Variants in MEF2D observed in about 807,000 individuals in gnomAD.
The protein encoded by MEF2D is myocyte enhancer factor 2D, also known as myocyte-specific enhancer factor 2D.
Under a neutral mutation model 59.3 loss-of-function variants are expected in MEF2D, and 10 were observed. The ratio of observed to expected loss-of-function variants is 0.17; its 90% CI spans 0.10 to 0.29. MEF2D has a LOEUF of 0.29. MEF2D is among the 10% of genes least tolerant of loss of function. MEF2D has a pLI of 1.00. For missense variants in MEF2D, 508 were observed against 699.4 expected (o/e 0.73, Z 3.09); for synonymous variants, 305 against 295.0 (o/e 1.03, Z -0.35).
chr1:156,492,217 T>G (rs1672847814), intron 1 of MEF2D, among the ~76,000 whole-genome samples: 1 of 152,200 alleles, frequency 6.6e-6, no homozygotes, highest in African/African-American at 2.4e-5. Flanking sequence ...GTCCTTTACT[T>G]CCATTTCTAG....
At chr1:156,482,844 G>A (rs1672108799) in intron 2 of MEF2D, among the ~76,000 whole-genome samples, 1 of 152,210 alleles carries the variant, frequency 6.6e-6, no homozygotes, top group Non-Finnish European at 1.5e-5. Context: ...ATACAGCCCA[G>A]AGCCCACTCA....
chr1:156,488,634 T>C (rs933850851), intron 1 of MEF2D, among the ~76,000 whole-genome samples: 1 of 152,170 alleles, frequency 6.6e-6, no homozygotes, highest in African/African-American at 2.4e-5. Context: ...GAGGACTGGT[T>C]TGGAGGGGGC....
At chr1:156,480,634 AC>A (rs1311025563) in intron 4 of MEF2D, 199 bp downstream of exon 4, 12 of 1,545,240 alleles carry the variant, frequency 7.8e-6, no homozygotes, top group Non-Finnish European at 1.0e-5. Context: ...GCTCCATGCG[AC>A]TACTCACGGC....
chr1:156,493,783 G>C (rs968726100), intron 1 of MEF2D, among the ~76,000 whole-genome samples: 2 of 152,098 alleles, frequency 1.3e-5, no homozygotes. Flanking sequence ...AGTCCTGCCT[G>C]TTGTCTACTC....
chr1:156,465,910 G>A lies in MEF2D; in HGVS notation c.*1735C>T, dbSNP rs143112998. ...TGTCTTAACTCTACTCTCCAACTGGGAGGAAACCCCAAGGGGGCGCCGCAC... is the reference window on the plus strand; with the variant it reads ...TGTCTTAACTCTACTCTCCAACTGGAAGGAAACCCCAAGGGGGCGCCGCAC... On this transcript the variant is annotated 3_prime_UTR_variant, in exon 12 of 12. Coordinates refer to ENST00000348159, the MANE Select transcript of MEF2D (RefSeq NM_005920.4). 1.3e-5 allele frequency: 2 copies of A among 152,326 alleles called. No individual in the cohort carries two copies. The highest frequency in any genetic ancestry group is 4.8e-5 in the African/African-American group (2 of 41,556). 9.4% of individuals were successfully genotyped at this position (152,326 alleles called of 1,614,324 possible). A position where few individuals can be genotyped will look rare whatever the true frequency, so the allele number is the denominator to read the frequency against.
At chr1:156,500,048 G>C in intron 1 of MEF2D, among the ~76,000 whole-genome samples, 1 of 152,220 alleles carries the variant, frequency 6.6e-6, no homozygotes, top group South Asian at 2.1e-4. Context: ...CCAAGGAGGA[G>C]GGAACAGGCG....
intron 9 of MEF2D, among the ~76,000 whole-genome samples, chr1:156,472,503 C>A (rs1401325251): frequency 1.3e-5 from 2 of 152,226 alleles, no homozygotes; most frequent in Non-Finnish European, 2.9e-5. Flanking sequence ...TCTTAACCTG[C>A]CACGAGGGGC....
chr1:156,486,910 A>AG (rs776215109), intron 1 of MEF2D, among the ~76,000 whole-genome samples: 11 of 152,218 alleles, frequency 7.2e-5, no homozygotes, highest in Non-Finnish European at 1.3e-4. Context: ...GTCTTGCTGC[A>AG]GTACCAGTTC....
At position 156,479,665 on chromosome 1, in the gene MEF2D, C is replaced by G. The variant is rs747452485; in HGVS notation, c.528G>C (p.Pro176=). The G allele has an allele frequency of 1.3e-6, 2 of 1,551,972 alleles. No individual in the cohort carries two copies. Among genetic ancestry groups the G allele is most frequent in the Non-Finnish European group, 1.7e-6 (2 of 1,147,200 alleles). The change falls in exon 5 of 12, where the codon CCG becomes CCC. Residue 176 remains proline, a synonymous_variant. Transcript: ENST00000348159. The stretch of plus-strand genomic sequence containing the variant: ...CTGGCTGCTGGGGGGACAGGAGCCG[C>G]GGGTCCGTGAGGGATGATGTCACCA... ...PSLVTSSLTD[P]RLLSPQQPAL...
chr1:156,500,421 A>G (rs887000434), intron 1 of MEF2D, 65 bp downstream of exon 1: 1 of 151,918 alleles, frequency 6.6e-6, no homozygotes, highest in African/African-American at 2.4e-5. Context: ...CTCCACCCCA[A>G]CCCCTGGACC....
In MEF2D at chr1:156,497,062, C is replaced by A. The variant is rs140655995; in HGVS notation, c.-139+3424G>T. On this transcript the variant is annotated intron_variant, in intron 1 of 11. Transcript: ENST00000348159. ...TATGCAAAATTAGAGCCATCTCTCT[C>A]CCCCCCAGCTTCCCCACTGGGAAGT... 4.2e-3 allele frequency among the ~76,000 whole-genome samples: 641 copies of A among 152,266 alleles called. 5 individuals are homozygous for A. The highest frequency in any genetic ancestry group is 0.015 in the African/African-American group (618 of 41,544).
chr1:156,468,480 A>G lies in MEF2D; in HGVS notation c.1248-181T>C, dbSNP rs952867925. Among the ~76,000 whole-genome samples the G allele has an allele frequency of 2.0e-5, 3 of 152,060 alleles. No individual in the cohort carries two copies. The highest frequency in any genetic ancestry group is 7.3e-5 in the African/African-American group (3 of 41,376). ...ATCAGAAGAGGGTCGAATGAAGGGA[A>G]GAGAAGGGAAATAAGAAATATTAGT... On this transcript the variant is annotated intron_variant, in intron 10 of 11. Transcript: ENST00000348159. The surrounding 1 kb of genome is among the most constrained non-coding windows in gnomAD (Gnocchi z 4.3).
intron 2 of MEF2D, among the ~76,000 whole-genome samples, 155 bp downstream of exon 2, chr1:156,483,084 G>T (rs775523096): frequency 6.6e-6 from 1 of 152,162 alleles, no homozygotes; most frequent in Non-Finnish European, 1.5e-5. Context: ...CTGCGAAGAG[G>T]TTGGGGTTCC....
chr1:156,494,938 C>T (rs1673041639), intron 1 of MEF2D, among the ~76,000 whole-genome samples: 1 of 152,202 alleles, frequency 6.6e-6, no homozygotes, highest in Non-Finnish European at 1.5e-5. Context: ...CAGGTCTGGG[C>T]CTGGGAGGCT....
chr1:156,499,507 G>C (rs1571284076), intron 1 of MEF2D: 1 of 152,162 alleles, frequency 6.6e-6, no homozygotes, highest in Non-Finnish European at 1.5e-5. Context: ...TGAGAGGACA[G>C]CGTGATTCAC....
At chr1:156,492,550 C>T (rs1672869908) in intron 1 of MEF2D, among the ~76,000 whole-genome samples, 1 of 152,174 alleles carries the variant, frequency 6.6e-6, no homozygotes, top group Admixed American at 6.5e-5. Context: ...ACAATGAAGC[C>T]CAGCAGTGGT....
At chr1:156,480,803 G>T (rs746836052) in intron 4 of MEF2D, 31 bp downstream of exon 4, 18 of 1,591,196 alleles carry the variant, frequency 1.1e-5, no homozygotes, top group Middle Eastern at 1.7e-4. Context: ...CGGAAGGGGG[G>T]GCCAACAGAG....
intron 1 of MEF2D, among the ~76,000 whole-genome samples, chr1:156,485,131 A>AC (rs1393192110): frequency 6.6e-6 from 1 of 151,340 alleles, no homozygotes; most frequent in Non-Finnish European, 1.5e-5. Flanking sequence ...AGGGATGTAG[A>AC]CCCCCAGCCA....
chr1:156,497,784 C>G (rs1673216546), intron 1 of MEF2D, among the ~76,000 whole-genome samples: 1 of 152,128 alleles, frequency 6.6e-6, no homozygotes, highest in Non-Finnish European at 1.5e-5. Context: ...TCCTGAGATT[C>G]TGGATCCAGT....
Sources: gnomAD v4.1 joint callset for allele counts (sites outside exome capture counted in the v4.1 genomes callset) on GRCh38, gnomAD v4.1.1 for gene constraint, Gnocchi (gnomAD v3.1) non-coding constraint, MANE v1.5 for transcripts, NCBI Gene and HGNC (gene_info 2026-07-23, HGNC 2026-07-21) for gene names.